ERC1: variants seen among roughly 807,000 people sequenced by gnomAD.
ERC1 encodes the protein ELKS/RAB6-interacting/CAST family member 1.
ERC1 carries 56 observed loss-of-function variants against 132.0 expected under a neutral mutation model. That is an observed-to-expected ratio of 0.42 (90% confidence interval 0.34 to 0.53). ERC1 has a LOEUF of 0.53. Among genes scored for constraint, ERC1 ranks in the 20% least tolerant of loss-of-function variants. The probability of loss-of-function intolerance (pLI) is 0.03; values close to 1 mark genes in which losing one functional copy is unlikely to be tolerated. For synonymous variants in ERC1, 478 were observed against 476.1 expected (o/e 1.00, Z -0.05); for missense variants, 1,202 against 1,349.9 (o/e 0.89, Z 1.72).
chr12:1,099,678 AAAAG>A (rs1236606663), intron 3 of ERC1, among the ~76,000 whole-genome samples: 1 of 152,172 alleles, frequency 6.6e-6, no homozygotes, highest in Non-Finnish European at 1.5e-5. Context: ...CAGAGAATAA[AAAAG>A]AAAAATTCCT....
At chr12:1,289,084 T>TAC (rs57334239) in intron 14 of ERC1, among the ~76,000 whole-genome samples, 7,125 of 102,732 alleles carry the variant, frequency 0.069, 276 homozygotes, top group South Asian at 0.14. Flanking sequence ...ATCTGGTATG[T>TAC]ACACACACAC....
intron 15 of ERC1, among the ~76,000 whole-genome samples, chr12:1,327,330 T>C (rs2082515426): frequency 6.6e-6 from 1 of 152,218 alleles, no homozygotes; most frequent in African/African-American, 2.4e-5. Context: ...TAACGTACTT[T>C]TAGCAAAATA....
At chr12:1,388,345 CA>C (rs34634557) in intron 16 of ERC1, among the ~76,000 whole-genome samples, 2,851 of 85,042 alleles carry the variant, frequency 0.034, 47 homozygotes, top group African/African-American at 0.093. Context: ...GACTCTGTCT[CA>C]AAAAAAAAAA....
At chr12:1,154,287 A>G (rs1951138430) in intron 8 of ERC1, among the ~76,000 whole-genome samples, 2 of 149,316 alleles carry the variant, frequency 1.3e-5, no homozygotes, top group Non-Finnish European at 2.9e-5. Flanking sequence ...ACATGTATAT[A>G]TACACACACA....
At chr12:1,224,704 G>A (rs2074416963) in intron 12 of ERC1, among the ~76,000 whole-genome samples, 1 of 152,082 alleles carries the variant, frequency 6.6e-6, no homozygotes, top group Admixed American at 6.6e-5. Flanking sequence ...AAATAGGCTG[G>A]GCGCTGTAGC....
intron 16 of ERC1, among the ~76,000 whole-genome samples, chr12:1,388,072 T>A (rs557669945): frequency 6.6e-6 from 1 of 152,176 alleles, no homozygotes; most frequent in Non-Finnish European, 1.5e-5. Context: ...CTAATAAGAG[T>A]TAGCCTCGGC....
chr12:1,007,450 G>A (rs1211078170), intron 1 of ERC1, among the ~76,000 whole-genome samples: 1 of 147,250 alleles, frequency 6.8e-6, no homozygotes, highest in African/African-American at 2.6e-5. Context: ...TAACAGGACT[G>A]GGTAATTCAT....
At chr12:1,323,589 A>G (rs1049952327) in intron 15 of ERC1, among the ~76,000 whole-genome samples, 5 of 152,222 alleles carry the variant, frequency 3.3e-5, no homozygotes, top group Admixed American at 1.3e-4. Flanking sequence ...GAAATCACAA[A>G]TCGTAACTAG....
At chr12:1,296,010 G>GAAAA (rs77971645) in intron 15 of ERC1, among the ~76,000 whole-genome samples, 5,352 of 90,304 alleles carry the variant, frequency 0.059, 168 homozygotes, top group African/African-American at 0.083. Context: ...TGGTTTAACA[G>GAAAA]AAAAAAAAAA....
chr12:1,319,240 A>G (rs2081961477), intron 15 of ERC1, among the ~76,000 whole-genome samples: 1 of 152,204 alleles, frequency 6.6e-6, no homozygotes, highest in Non-Finnish European at 1.5e-5. Flanking sequence ...TTCTGCTAAG[A>G]GTGAAACTTT....
intron 3 of ERC1, among the ~76,000 whole-genome samples, chr12:1,099,835 A>ATTTTTTTTT (rs779732035): frequency 1.8e-5 from 1 of 54,364 alleles, no homozygotes. Flanking sequence ...TGAGACTTTG[A>ATTTTTTTTT]TTTTTTTTTT....
chr12:1,118,218 T>C (rs1181944042), intron 7 of ERC1, among the ~76,000 whole-genome samples: 1 of 152,234 alleles, frequency 6.6e-6, no homozygotes, highest in African/African-American at 2.4e-5. Context: ...AGTTTGCTAC[T>C]GTAATAGCTT....
At chr12:1,391,808 G>C (rs528122432) in intron 16 of ERC1, among the ~76,000 whole-genome samples, 2 of 152,328 alleles carry the variant, frequency 1.3e-5, no homozygotes, top group Admixed American at 1.3e-4. Context: ...GCTAGAGAGA[G>C]TGGGCTCCTG....
chr12:1,451,141 G>A (rs929438044), intron 18 of ERC1, among the ~76,000 whole-genome samples: 21 of 151,966 alleles, frequency 1.4e-4, no homozygotes, highest in Admixed American at 1.1e-3. Context: ...AGTGTCTTTC[G>A]ATGCACACAT....
In ERC1 at chr12:1,440,382, A is replaced by AT. The variant is rs1365449717; in HGVS notation, c.3025-4175dup. Among the ~76,000 whole-genome samples the AT allele has an allele frequency of 3.4e-5, 5 of 147,662 alleles. No individual in the cohort carries two copies. The East Asian group carries it at 8.0e-4, about 24-fold the overall frequency. Reference sequence around the variant, plus strand: ...ACCACGCCCGGCTAATTTTTTTTGTATTTTTAGTAGAGACGGGGTTTCACC... The same window carrying AT: ...ACCACGCCCGGCTAATTTTTTTTGTATTTTTTAGTAGAGACGGGGTTTCACC... On this transcript the variant is annotated intron_variant, in intron 17 of 18. Transcript: ENST00000360905.
intron 7 of ERC1, among the ~76,000 whole-genome samples, chr12:1,127,012 A>AAAAAAAAAAAAAAAC (rs1566033121): frequency 2.0e-5 from 3 of 149,392 alleles, no homozygotes; most frequent in Non-Finnish European, 3.0e-5. Flanking sequence ...AAAAAAAAAA[A>AAAAAAAAAAAAAAAC]ACCTCAAAAA....
chr12:1,109,513 A>G (rs1192305680), intron 4 of ERC1, among the ~76,000 whole-genome samples: 2 of 152,212 alleles, frequency 1.3e-5, no homozygotes, highest in Non-Finnish European at 2.9e-5. Context: ...ATGATAAAAT[A>G]CTAGAACTAG....
rs71055135 is a variant in ERC1, at chr12:1,126,986, C to CAAAAAAAAAAAAA, written c.1569+10968_1569+10980dup. Among the ~76,000 whole-genome samples the CAAAAAAAAAAAAA allele has an allele frequency of 6.4e-3, 732 of 113,828 alleles. 7 individuals are homozygous for CAAAAAAAAAAAAA. Among genetic ancestry groups the CAAAAAAAAAAAAA allele is most frequent in the Non-Finnish European group, 9.1e-3 (527 of 58,006 alleles). 74.7% of individuals were successfully genotyped at this position (113,828 alleles called of 152,430 possible). ...CTGGCGACAGAGTGAGATTCTGTCT[C>CAAAAAAAAAAAAA]AAAAAAAAAAAAAAAAAAAAAAAAA... is the stretch of plus-strand genomic sequence containing the variant. On this transcript the variant is annotated intron_variant, in intron 7 of 18. Coordinates refer to ENST00000360905, the MANE Select transcript of ERC1 (RefSeq NM_178040.4).
At chr12:1,068,500 C>T (rs540116414) in intron 2 of ERC1, among the ~76,000 whole-genome samples, 2 of 151,544 alleles carry the variant, frequency 1.3e-5, no homozygotes, top group South Asian at 4.2e-4. Context: ...AAAAAGTAGT[C>T]ACTCAGGGAT....
Sources: gnomAD v4.1 joint callset for allele counts (sites outside exome capture counted in the v4.1 genomes callset) on GRCh38, gnomAD v4.1.1 for gene constraint, MANE v1.5 for transcripts, NCBI Gene and HGNC (gene_info 2026-07-23, HGNC 2026-07-21) for gene names.